Variants in NKAIN2 observed in about 807,000 individuals in gnomAD.
The protein encoded by NKAIN2 is sodium/potassium transporting ATPase interacting 2.
In NKAIN2, 14 loss-of-function variants were observed where a neutral mutation model predicts 32.6. The observed-to-expected ratio is 0.43, with a 90% confidence interval of 0.28 to 0.67. The LOEUF is 0.67. NKAIN2 is among the 30% of genes least tolerant of loss of function. The probability of loss-of-function intolerance (pLI) is 0.17; values close to 1 mark genes in which losing one functional copy is unlikely to be tolerated. For synonymous variants in NKAIN2, 80 were observed against 87.2 expected, an observed-to-expected ratio of 0.92 and a Z score of 0.46; for missense variants, 198 against 258.3, an observed-to-expected ratio of 0.77 and a Z score of 1.60.
At chr6:124,654,574 C>T (rs1784472949) in intron 3 of NKAIN2, among the ~76,000 whole-genome samples, 1 of 152,124 alleles carries the variant, frequency 6.6e-6, no homozygotes, top group African/African-American at 2.4e-5. Context: ...CTCCCCTAAA[C>T]TTATGTTTAT....
intron 1 of NKAIN2, among the ~76,000 whole-genome samples, chr6:124,160,968 A>G (rs1459629772): frequency 6.6e-6 from 1 of 152,146 alleles, no homozygotes; most frequent in African/African-American, 2.4e-5. Context: ...ATTTCTATAT[A>G]TATAGATTGT....
At chr6:124,112,142 T>C (rs1785414427) in intron 1 of NKAIN2, among the ~76,000 whole-genome samples, 1 of 152,170 alleles carries the variant, frequency 6.6e-6, no homozygotes, top group African/African-American at 2.4e-5. Context: ...TATATTTACT[T>C]TTCTCAACCA....
chr6:124,228,896 T>C (rs1437734768), intron 1 of NKAIN2, among the ~76,000 whole-genome samples: 2 of 152,160 alleles, frequency 1.3e-5, no homozygotes, highest in African/African-American at 4.8e-5. Context: ...AGTGCCTATG[T>C]TTTAATTGCA....
At chr6:124,169,575 A>G (rs558581914) in intron 1 of NKAIN2, among the ~76,000 whole-genome samples, 7 of 152,334 alleles carry the variant, frequency 4.6e-5, no homozygotes, top group African/African-American at 1.7e-4. Flanking sequence ...AAGTTAACTT[A>G]AGGAAATAAT....
intron 1 of NKAIN2, among the ~76,000 whole-genome samples, chr6:123,866,766 A>G (rs1297927287): frequency 6.6e-6 from 1 of 152,160 alleles, no homozygotes; most frequent in Admixed American, 6.5e-5. Context: ...TGTCAGCAGC[A>G]TTTGACCATG....
chr6:124,420,455 G>A (rs185457000), intron 3 of NKAIN2, among the ~76,000 whole-genome samples: 90 of 152,194 alleles, frequency 5.9e-4, no homozygotes, highest in African/African-American at 1.3e-3. Flanking sequence ...CACTACCTGC[G>A]TACAAATACC....
intron 1 of NKAIN2, among the ~76,000 whole-genome samples, chr6:123,953,533 C>A (rs1357841366): frequency 6.6e-6 from 1 of 152,186 alleles, no homozygotes; most frequent in East Asian, 1.9e-4. Flanking sequence ...CTGGGTGGAC[C>A]AGTCCTCGGA....
intron 4 of NKAIN2, among the ~76,000 whole-genome samples, chr6:124,677,267 C>G (rs1251025812): frequency 3.9e-5 from 6 of 152,146 alleles, no homozygotes; most frequent in Admixed American, 6.6e-5. Context: ...CCGGGTCTGG[C>G]CAGATCTTGT....
At chr6:124,022,674 A>G (rs1780918754) in intron 1 of NKAIN2, among the ~76,000 whole-genome samples, 1 of 152,210 alleles carries the variant, frequency 6.6e-6, no homozygotes, top group Non-Finnish European at 1.5e-5. Flanking sequence ...ATGGTTAGAA[A>G]AGCCAAATTC....
intron 4 of NKAIN2, among the ~76,000 whole-genome samples, chr6:124,762,075 C>A (rs536768909): frequency 1.9e-4 from 29 of 152,110 alleles, no homozygotes; most frequent in South Asian, 4.2e-4. Flanking sequence ...ATTAGTTTAC[C>A]AAGGGCTGCT....
At chr6:124,384,297 A>C (rs1772789400) in intron 3 of NKAIN2, among the ~76,000 whole-genome samples, 1 of 152,164 alleles carries the variant, frequency 6.6e-6, no homozygotes, top group Admixed American at 6.5e-5. Flanking sequence ...GAGTTAATGA[A>C]TATATTTAGT....
chr6:124,662,178 C>A (rs1484183272), intron 4 of NKAIN2, among the ~76,000 whole-genome samples: 1 of 152,122 alleles, frequency 6.6e-6, no homozygotes, highest in Non-Finnish European at 1.5e-5. Flanking sequence ...CTATGTCTGC[C>A]ACAGGTGAGG....
chr6:124,099,907 TG>T (rs1439778367), intron 1 of NKAIN2, among the ~76,000 whole-genome samples: 9 of 152,180 alleles, frequency 5.9e-5, no homozygotes, highest in Non-Finnish European at 1.0e-4. Context: ...GGACTCTTTT[TG>T]TCTGTTTATT....
At chr6:124,518,500 C>G (rs1779006911) in intron 3 of NKAIN2, among the ~76,000 whole-genome samples, 1 of 152,008 alleles carries the variant, frequency 6.6e-6, no homozygotes, top group South Asian at 2.1e-4. Flanking sequence ...CCTCCAGAGG[C>G]TTACAAGGTG....
intron 1 of NKAIN2, among the ~76,000 whole-genome samples, chr6:123,978,881 G>A (rs1371281053): frequency 1.3e-5 from 2 of 152,118 alleles, no homozygotes; most frequent in East Asian, 3.9e-4. Flanking sequence ...TTAATCAAAG[G>A]TGATGCTTTT....
chr6:124,764,122 T>C (rs748729077), intron 4 of NKAIN2, among the ~76,000 whole-genome samples: 1 of 152,190 alleles, frequency 6.6e-6, no homozygotes, highest in African/African-American at 2.4e-5. Flanking sequence ...TAGTCTTTTT[T>C]AATTTGTAGG....
At chr6:124,477,530 G>A (rs547036934) in intron 3 of NKAIN2, among the ~76,000 whole-genome samples, 50 of 152,058 alleles carry the variant, frequency 3.3e-4, no homozygotes, top group African/African-American at 1.2e-3. Flanking sequence ...CTACCTGTTT[G>A]GTGCTTCTCC....
At chr6:124,721,488 A>C (rs1462351030) in intron 4 of NKAIN2, among the ~76,000 whole-genome samples, 1 of 152,142 alleles carries the variant, frequency 6.6e-6, no homozygotes, top group Non-Finnish European at 1.5e-5. Context: ...TGCAGAGTGT[A>C]CACTGAAGGA....
At chr6:124,123,454 T>A (rs532154344) in intron 1 of NKAIN2, among the ~76,000 whole-genome samples, 1 of 152,162 alleles carries the variant, frequency 6.6e-6, no homozygotes, top group African/African-American at 2.4e-5. Flanking sequence ...TATTCTTTTT[T>A]CATACTATTT....
Sources: gnomAD v4.1 joint callset for allele counts (sites outside exome capture counted in the v4.1 genomes callset) on GRCh38, gnomAD v4.1.1 for gene constraint, MANE v1.5 for transcripts, NCBI Gene and HGNC (gene_info 2026-07-23, HGNC 2026-07-21) for gene names.